Variants in TMEM130 observed in about 807,000 individuals in gnomAD.
TMEM130 encodes transmembrane protein 130.
TMEM130 carries 37 observed loss-of-function variants against 42.9 expected under a neutral mutation model. The ratio of observed to expected loss-of-function variants is 0.86; its 90% CI spans 0.66 to 1.13. The LOEUF (loss-of-function observed/expected upper bound fraction) is 1.13, where lower values mean the gene tolerates loss of function less well. Among genes scored for constraint, TMEM130 ranks in the 50% most tolerant of loss-of-function variants. TMEM130 has a pLI of 0.00. For synonymous variants in TMEM130, 259 were observed against 237.7 expected (o/e 1.09, Z -0.82); for missense variants, 545 against 562.6 (o/e 0.97, Z 0.32).
chr7:98,858,441 T>TCG (rs1320066544), intron 3 of TMEM130, among the ~76,000 whole-genome samples: 1 of 151,584 alleles, frequency 6.6e-6, no homozygotes, highest in Non-Finnish European at 1.5e-5. Context: ...ACTCGAGAGG[T>TCG]CGAGGCAAGA....
intron 4 of TMEM130, among the ~76,000 whole-genome samples, 187 bp from the exon 5 acceptor site, chr7:98,855,511 C>A (rs1794610385): frequency 6.6e-6 from 1 of 152,178 alleles, no homozygotes; most frequent in Non-Finnish European, 1.5e-5. Context: ...CTGAAGCCTG[C>A]TCAGAGGGAG....
chr7:98,856,547 T>C (rs1339413518), intron 3 of TMEM130, among the ~76,000 whole-genome samples: 1 of 152,206 alleles, frequency 6.6e-6, no homozygotes, highest in African/African-American at 2.4e-5. Context: ...TCTCACTCTG[T>C]CACCCAGTGG....
Position 98,847,873 on chromosome 7 carries a change from G to A in TMEM130, c.*183C>T. The A allele has an allele frequency of 3.4e-6, 2 of 594,052 alleles. No homozygotes were observed. The highest frequency in any genetic ancestry group is 3.0e-6 in the Non-Finnish European group (1 of 336,680). 36.8% of individuals were successfully genotyped at this position (594,052 alleles called of 1,614,324 possible). On this transcript the variant is annotated 3_prime_UTR_variant, in exon 8 of 8. Transcript: ENST00000339375. ...GGACTGTACAGATGGGTGAATGGCT[G>A]GGGTCAGGGGTGACAGAGAGGGAGG... is the stretch of plus-strand genomic sequence containing the variant.
intron 6 of TMEM130, among the ~76,000 whole-genome samples, chr7:98,850,786 G>GA (rs2116066759): frequency 6.6e-6 from 1 of 152,302 alleles, no homozygotes; most frequent in South Asian, 2.1e-4. Context: ...TACTGTTGGG[G>GA]ATGCTGGTTT....
intron 4 of TMEM130, 101 bp downstream of exon 4, chr7:98,855,916 A>G (rs896188748): frequency 5.9e-5 from 82 of 1,378,254 alleles, no homozygotes; most frequent in Non-Finnish European, 7.8e-5. Flanking sequence ...GTGGGGCTCC[A>G]GAAGACAGGG....
At position 98,863,345 on chromosome 7, in the gene TMEM130, C is replaced by T; in HGVS notation, c.141G>A (p.Val47=). Residue 47 remains valine (V), a synonymous_variant, in exon 2 of 8, where the codon GTG becomes GTA. Coordinates refer to ENST00000339375, the MANE Select transcript of TMEM130 (RefSeq NM_152913.3). ...TDSPATTGAV[V]TISASLVAKD... ...TGGCCACCAGGCTGGCCGAGATGGT[C>T]ACCACCGCTCCCGTGGTGGCAGGGC... 6.2e-7 allele frequency: 1 copy of T among 1,609,034 alleles called. No homozygotes were observed. Among genetic ancestry groups the T allele is most frequent in the Non-Finnish European group, 8.5e-7 (1 of 1,179,118 alleles).
In TMEM130 at chr7:98,857,656, C is replaced by T. The variant is rs546418900; in HGVS notation, c.552-1473G>A. Among the ~76,000 whole-genome samples, 14 of 150,384 alleles carry T rather than the reference C, an allele frequency of 9.3e-5. No individual in the cohort carries two copies. The East Asian group carries it at 1.4e-3, about 15-fold the overall frequency. ...CGGAGGTTGCAGTGAGCAGTGATCACGCCACTGCACTCCAGCCTGGGCAAC... is the reference window on the plus strand; with the variant it reads ...CGGAGGTTGCAGTGAGCAGTGATCATGCCACTGCACTCCAGCCTGGGCAAC... On this transcript the variant is annotated intron_variant, in intron 3 of 7. Coordinates refer to ENST00000339375, the MANE Select transcript of TMEM130 (RefSeq NM_152913.3).
chr7:98,869,088 TC>T lies in TMEM130; in HGVS notation c.85+688del. The T allele has an allele frequency of 1.0e-6, 1 of 972,360 alleles. No homozygotes were observed. Among genetic ancestry groups the T allele is most frequent in the Non-Finnish European group, 1.4e-6 (1 of 740,536 alleles). The allele number at this position is 972,360 out of a possible 1,614,324, so 60.2% of individuals were successfully genotyped here. A position where few individuals can be genotyped will look rare whatever the true frequency, so the allele number is the denominator to read the frequency against. On this transcript the variant is annotated intron_variant, in intron 1 of 7. Transcript: ENST00000339375. This position sits in a 1 kb window ranked among gnomAD's most constrained non-coding sequence, Gnocchi z 4.7. ...TCCCTCGAATAGTCTTAAATCTGGG[TC>T]CTTTTATGGTTCCCAAAATGTGGCA...
intron 1 of TMEM130, among the ~76,000 whole-genome samples, chr7:98,868,374 A>G (rs1794957657): frequency 6.6e-6 from 1 of 152,140 alleles, no homozygotes; most frequent in Non-Finnish European, 1.5e-5. Flanking sequence ...GAGATGGGGC[A>G]CTCACCCCAA....
intron 5 of TMEM130, among the ~76,000 whole-genome samples, chr7:98,854,227 C>T (rs1199260129): frequency 3.3e-5 from 5 of 152,038 alleles, no homozygotes; most frequent in African/African-American, 1.2e-4. Flanking sequence ...TGAAGGCAGG[C>T]ATTCCAAGGG....
rs782220104 is a variant in TMEM130 at position 98,851,440 on chromosome 7, C to T, written c.987G>A (p.Lys329=). Residue 329 remains lysine, a synonymous_variant, in exon 6 of 8, where the codon AAG becomes AAA. Transcript: ENST00000339375. ...NIISKTHQYH[K]IQVWPSRIQP... ...ACTTACTGGAGGGCCACACCTGGAT[C>T]TTGTGGTACTGATGTGTCTTGCTGA... 6 of 1,613,934 alleles carry T rather than the reference C, an allele frequency of 3.7e-6. No individual in the cohort carries two copies. In the East Asian group the frequency reaches 1.3e-4, roughly 36 times the overall value.
chr7:98,864,946 C>A (rs1794874314), intron 1 of TMEM130, among the ~76,000 whole-genome samples: 1 of 152,206 alleles, frequency 6.6e-6, no homozygotes, highest in African/African-American at 2.4e-5. Context: ...CTGTACCTCT[C>A]ACCCCCTCAG....
Position 98,869,382 on chromosome 7 carries a change from G to C in TMEM130, c.85+395C>G. On this transcript the variant is annotated intron_variant, in intron 1 of 7. Coordinates refer to ENST00000339375, the MANE Select transcript of TMEM130 (RefSeq NM_152913.3). This position sits in a 1 kb window ranked among gnomAD's most constrained non-coding sequence, Gnocchi z 4.7. ...AACGTTGCCCATCCCGTGCTCCCTG[G>C]GGGACTGGGGAATTGTGGCGCGATG... 1 of 1,196,084 alleles carries C rather than the reference G, an allele frequency of 8.4e-7. No homozygotes were observed. Among genetic ancestry groups the C allele is most frequent in the Non-Finnish European group, 1.1e-6 (1 of 951,568 alleles). The allele number at this position is 1,196,084 out of a possible 1,614,324, so 74.1% of individuals were successfully genotyped here.
intron 5 of TMEM130, among the ~76,000 whole-genome samples, chr7:98,853,158 A>C (rs1325790415): frequency 2.0e-5 from 3 of 152,130 alleles, no homozygotes; most frequent in Non-Finnish European, 4.4e-5. Flanking sequence ...CAGGGCTGCT[A>C]AACCCACAGG....
At chr7:98,850,273 A>ATATATATATATATATATTTTTTTTTT in intron 6 of TMEM130, among the ~76,000 whole-genome samples, 1 of 35,472 alleles carries the variant, frequency 2.8e-5, no homozygotes, top group African/African-American at 7.6e-5. Context: ...ATATATATAT[A>ATATATATATATATATATTTTTTTTTT]TTTTTTTTTT....
intron 6 of TMEM130, among the ~76,000 whole-genome samples, chr7:98,850,273 A>ATTTTTTTTTTTTTTT (rs1554398023): frequency 1.1e-4 from 4 of 35,462 alleles, no homozygotes; most frequent in African/African-American, 1.5e-4. Flanking sequence ...ATATATATAT[A>ATTTTTTTTTTTTTTT]TTTTTTTTTT....
intron 2 of TMEM130, among the ~76,000 whole-genome samples, chr7:98,862,314 G>A (rs1794792239): frequency 6.6e-6 from 1 of 151,426 alleles, no homozygotes; most frequent in Admixed American, 6.6e-5. Flanking sequence ...CAAAGAGACA[G>A]AGAACAGAAA....
chr7:98,850,818 CA>C (rs1221809243), intron 6 of TMEM130, among the ~76,000 whole-genome samples: 1 of 152,090 alleles, frequency 6.6e-6, no homozygotes, highest in Non-Finnish European at 1.5e-5. Context: ...ACTGCTGGGG[CA>C]GGGGTGATGG....
At chr7:98,850,269 A>ATTTTTTTT (rs1244635646) in intron 6 of TMEM130, among the ~76,000 whole-genome samples, 10 of 30,156 alleles carry the variant, frequency 3.3e-4, no homozygotes, top group African/African-American at 9.6e-4. Context: ...ATATATATAT[A>ATTTTTTTT]TATATTTTTT....
Sources: allele counts gnomAD v4.1 joint callset (sites outside exome capture counted in the v4.1 genomes callset), GRCh38; gene constraint gnomAD v4.1.1; non-coding constraint Gnocchi (gnomAD v3.1); transcripts MANE v1.5; gene names NCBI Gene and HGNC (gene_info 2026-07-23, HGNC 2026-07-21).